The following EIF4EBP1 variants were observed in gnomAD, a reference collection of about 807,000 sequenced individuals.
The protein encoded by EIF4EBP1 is eukaryotic translation initiation factor 4E binding protein 1, also known as eukaryotic translation initiation factor 4E-binding protein 1.
In EIF4EBP1, 5 loss-of-function variants were observed where a neutral mutation model predicts 9.2. That is an observed-to-expected ratio of 0.54 (90% CI 0.28 to 1.14). The LOEUF is 1.14. Ranked by LOEUF, EIF4EBP1 falls within the 50% of genes most tolerant of loss-of-function variation. EIF4EBP1 has a pLI of 0.09. For synonymous variants in EIF4EBP1, 62 were observed against 67.0 expected (o/e 0.93, Z 0.36); for missense variants, 139 against 169.6 (o/e 0.82, Z 1.00).
At chr8:38,034,899 A>G (rs1405897394) in intron 1 of EIF4EBP1, among the ~76,000 whole-genome samples, 1 of 152,186 alleles carries the variant, frequency 6.6e-6, no homozygotes, top group Non-Finnish European at 1.5e-5. Flanking sequence ...GAGCTTGGAC[A>G]TTAATGCAGT....
rs937126408 is a variant in EIF4EBP1, at chr8:38,030,632, G to A, written c.59G>A (p.Arg20Gln). 3 of 1,513,166 alleles carry A rather than the reference G, an allele frequency of 2.0e-6. No individual in the cohort carries two copies. Among genetic ancestry groups the A allele is most frequent in the Admixed American group, 2.0e-5 (1 of 48,894 alleles). 93.7% of individuals were successfully genotyped at this position (1,513,166 alleles called of 1,614,324 possible). Residue 20 changes from arginine to glutamine, a missense_variant, in exon 1 of 3, where the codon CGG (arginine) becomes CAG (glutamine). By Grantham distance (43) the Arg-to-Gln change is conservative (BLOSUM62 1). Transcript: ENST00000338825. Reference protein sequence around the residue: ...TPSRAIPATRRVVLGDGVQLP... With the variant: ...TPSRAIPATRQVVLGDGVQLP... ...AGCCGGGCCATCCCCGCCACTCGCCGGGTGGTGCTCGGCGACGGCGTGCAG... is the reference window on the plus strand; with the variant it reads ...AGCCGGGCCATCCCCGCCACTCGCCAGGTGGTGCTCGGCGACGGCGTGCAG...
chr8:38,032,058 A>T (rs992888864), intron 1 of EIF4EBP1, among the ~76,000 whole-genome samples: 1 of 152,184 alleles, frequency 6.6e-6, no homozygotes, highest in Non-Finnish European at 1.5e-5. Context: ...GTCTACCAGG[A>T]CAATTCCTGA....
In EIF4EBP1 at chr8:38,058,962, T is replaced by C. The variant is rs1233688704; in HGVS notation, c.326-942T>C. On this transcript the variant is annotated intron_variant, in intron 2 of 2. Transcript: ENST00000338825. ...AGCCAGGCATGGTGGTGCATGCCTG[T>C]AATCCCAACTACTTGGGAGGCTGAG... 2.6e-5 allele frequency among the ~76,000 whole-genome samples: 4 copies of C among 152,080 alleles called. No homozygotes were observed. The East Asian group carries it at 7.7e-4, about 29-fold the overall frequency.
At chr8:38,036,256 G>A (rs1809301101) in intron 1 of EIF4EBP1, among the ~76,000 whole-genome samples, 1 of 152,038 alleles carries the variant, frequency 6.6e-6, no homozygotes, top group Non-Finnish European at 1.5e-5. Flanking sequence ...GCTCACACCT[G>A]TAATCCCAGC....
chr8:38,034,417 G>A (rs1809272442), intron 1 of EIF4EBP1, among the ~76,000 whole-genome samples: 2 of 152,102 alleles, frequency 1.3e-5, no homozygotes, highest in African/African-American at 4.8e-5. Context: ...GCTGTCCAGA[G>A]TACTTAAGAT....
chr8:38,036,793 C>T (rs1014554661), intron 1 of EIF4EBP1, among the ~76,000 whole-genome samples: 1 of 151,996 alleles, frequency 6.6e-6, no homozygotes, highest in Non-Finnish European at 1.5e-5. Context: ...GGACTACAGG[C>T]ATGCACCACC....
In EIF4EBP1 at chr8:38,043,510, C is replaced by T. The variant is rs188211645; in HGVS notation, c.145+12792C>T. 1.6e-4 allele frequency among the ~76,000 whole-genome samples: 25 copies of T among 151,594 alleles called. No homozygotes were observed. The East Asian group carries it at 2.1e-3, about 13-fold the overall frequency. ...CTCCTGAGTAGCTGGGACCACCCGGCTAGTTTTTGTATTTTTAGTAGAGAC... is the reference window on the plus strand; with the variant it reads ...CTCCTGAGTAGCTGGGACCACCCGGTTAGTTTTTGTATTTTTAGTAGAGAC... On this transcript the variant is annotated intron_variant, in intron 1 of 2. Transcript: ENST00000338825.
intron 1 of EIF4EBP1, among the ~76,000 whole-genome samples, chr8:38,055,190 C>G (rs1348639078): frequency 6.6e-6 from 1 of 152,118 alleles, no homozygotes; most frequent in African/African-American, 2.4e-5. Context: ...TCACGTCATC[C>G]TCAGCACAGA....
intron 2 of EIF4EBP1, among the ~76,000 whole-genome samples, chr8:38,057,690 A>T (rs1379557215): frequency 1.3e-5 from 2 of 152,212 alleles, no homozygotes. Context: ...ATATGTCTAC[A>T]AGATAAGAAA....
chr8:38,052,672 C>T (rs539214734), intron 1 of EIF4EBP1, among the ~76,000 whole-genome samples: 12 of 151,704 alleles, frequency 7.9e-5, no homozygotes, highest in East Asian at 1.9e-4. Flanking sequence ...GAGCCGAGAT[C>T]GCACCACTGC....
At chr8:38,032,234 C>G (rs897709570) in intron 1 of EIF4EBP1, among the ~76,000 whole-genome samples, 3 of 152,138 alleles carry the variant, frequency 2.0e-5, no homozygotes, top group African/African-American at 7.2e-5. Flanking sequence ...ACTTCTGGCC[C>G]GGGTACCAAG....
At chr8:38,056,245 G>A (rs1280962205) in intron 1 of EIF4EBP1, among the ~76,000 whole-genome samples, 1 of 152,070 alleles carries the variant, frequency 6.6e-6, no homozygotes, top group Non-Finnish European at 1.5e-5. Context: ...TCCCACGGTG[G>A]CCTCCCAAAG....
intron 1 of EIF4EBP1, among the ~76,000 whole-genome samples, chr8:38,033,657 A>G (rs980626970): frequency 6.6e-6 from 1 of 151,720 alleles, no homozygotes; most frequent in African/African-American, 2.4e-5. Flanking sequence ...TCCTGCTGGG[A>G]ATGGCCCTCA....
intron 1 of EIF4EBP1, among the ~76,000 whole-genome samples, chr8:38,036,315 C>T (rs1809302164): frequency 6.6e-6 from 1 of 151,864 alleles, no homozygotes; most frequent in African/African-American, 2.4e-5. Flanking sequence ...TCAAGACCAG[C>T]TTGGCCAACA....
chr8:38,036,317 T>G (rs1809302469), intron 1 of EIF4EBP1, among the ~76,000 whole-genome samples: 1 of 151,726 alleles, frequency 6.6e-6, no homozygotes, highest in African/African-American at 2.4e-5. Context: ...AAGACCAGCT[T>G]GGCCAACATG....
intron 2 of EIF4EBP1, among the ~76,000 whole-genome samples, chr8:38,058,789 A>T: frequency 6.6e-6 from 1 of 152,240 alleles, no homozygotes; most frequent in East Asian, 1.9e-4. Flanking sequence ...GGCCCCTAAA[A>T]ACATCAGCTG....
At chr8:38,040,866 C>CTGTTGTTGTTGTTGTTGTTGT (rs3067026) in intron 1 of EIF4EBP1, among the ~76,000 whole-genome samples, 3 of 151,458 alleles carry the variant, frequency 2.0e-5, no homozygotes, top group African/African-American at 7.3e-5. Flanking sequence ...AAATACATGC[C>CTGTTGTTGTTGTTGTTGTTGT]TGTTGTTGTT....
At chr8:38,051,203 G>T (rs1809517102) in intron 1 of EIF4EBP1, among the ~76,000 whole-genome samples, 1 of 152,104 alleles carries the variant, frequency 6.6e-6, no homozygotes, top group African/African-American at 2.4e-5. Flanking sequence ...CCTTCCTGGG[G>T]TTCTCTGGGG....
intron 1 of EIF4EBP1, among the ~76,000 whole-genome samples, chr8:38,043,550 T>C (rs1563415873): frequency 6.6e-6 from 1 of 151,948 alleles, no homozygotes; most frequent in Non-Finnish European, 1.5e-5. Flanking sequence ...TTTCAACACG[T>C]TGGCATGCTG....
Sources: allele counts gnomAD v4.1 joint callset (sites outside exome capture counted in the v4.1 genomes callset), GRCh38; gene constraint gnomAD v4.1.1; transcripts MANE v1.5; gene names NCBI Gene and HGNC (gene_info 2026-07-23, HGNC 2026-07-21).